The following LSAMP variants were observed in gnomAD, a reference collection of about 807,000 sequenced individuals.
LSAMP encodes limbic system associated membrane protein.
A neutral mutation model predicts 38.6 loss-of-function variants in LSAMP; 7 were observed. That is an observed-to-expected ratio of 0.18 (90% CI 0.10 to 0.34). The LOEUF is 0.34. Among genes scored for constraint, LSAMP ranks in the 10% least tolerant of loss-of-function variants. The pLI, the probability that LSAMP is intolerant of heterozygous loss-of-function variation, is 1.00. For missense variants in LSAMP, 313 were observed against 420.0 expected, an observed-to-expected ratio of 0.75 and a Z score of 2.23; for synonymous variants, 154 against 166.8, an observed-to-expected ratio of 0.92 and a Z score of 0.59.
chr3:115,843,671 T>C (rs1438685219), intron 4 of LSAMP, among the ~76,000 whole-genome samples: 1 of 148,190 alleles, frequency 6.7e-6, no homozygotes, highest in Non-Finnish European at 1.5e-5. Flanking sequence ...ACCTGGTCTA[T>C]ATTCCTTGTT....
chr3:116,232,699 CTT>C (rs1219296323), intron 1 of LSAMP, among the ~76,000 whole-genome samples: 6,276 of 99,450 alleles, frequency 0.063, 495 homozygotes, highest in African/African-American at 0.18. Flanking sequence ...TTCTTTCTTT[CTT>C]TTTTTTTTTT....
intron 3 of LSAMP, among the ~76,000 whole-genome samples, chr3:115,892,311 C>A (rs780281143): frequency 6.6e-6 from 1 of 152,086 alleles, no homozygotes; most frequent in South Asian, 2.1e-4. Context: ...ACATTCTCAG[C>A]AGCACTATTT....
chr3:116,156,311 A>G (rs1476080985), intron 1 of LSAMP, among the ~76,000 whole-genome samples: 1 of 152,192 alleles, frequency 6.6e-6, no homozygotes, highest in Non-Finnish European at 1.5e-5. Context: ...CCTAACGTTG[A>G]GTAAAATGCA....
chr3:116,320,237 A>G (rs770396989), intron 1 of LSAMP, among the ~76,000 whole-genome samples: 1 of 152,002 alleles, frequency 6.6e-6, no homozygotes, highest in South Asian at 2.1e-4. Context: ...ACATGATGAA[A>G]CCTCGTCTCT....
chr3:115,966,301 C>T (rs1308340312), intron 3 of LSAMP, among the ~76,000 whole-genome samples: 1 of 152,146 alleles, frequency 6.6e-6, no homozygotes. Flanking sequence ...GCCTTGATCT[C>T]GACACTGTGG....
At chr3:116,394,593 A>G (rs59428849) in intron 1 of LSAMP, among the ~76,000 whole-genome samples, 18,211 of 152,134 alleles carry the variant, frequency 0.12, 1,593 homozygotes, top group African/African-American at 0.25. Flanking sequence ...CAGCCCCCTC[A>G]TTATGCTCAC....
At chr3:116,035,977 T>C (rs1198574291) in intron 2 of LSAMP, among the ~76,000 whole-genome samples, 1 of 152,128 alleles carries the variant, frequency 6.6e-6, no homozygotes, top group East Asian at 1.9e-4. Context: ...AAAAGCCCCT[T>C]CTTACCTTGT....
At chr3:116,381,208 A>G (rs933270824) in intron 1 of LSAMP, among the ~76,000 whole-genome samples, 3 of 152,088 alleles carry the variant, frequency 2.0e-5, no homozygotes, top group African/African-American at 7.2e-5. Context: ...GTCTCTTCTG[A>G]CTAAAAATTC....
chr3:115,877,800 G>A (rs897000107), intron 3 of LSAMP, among the ~76,000 whole-genome samples: 2 of 152,130 alleles, frequency 1.3e-5, no homozygotes, highest in Admixed American at 1.3e-4. Context: ...GTCTGTTGGA[G>A]CATCAGAAAC....
intron 1 of LSAMP, among the ~76,000 whole-genome samples, chr3:116,093,940 C>T (rs1012264238): frequency 1.4e-4 from 21 of 152,024 alleles, no homozygotes; most frequent in Admixed American, 9.8e-4. Flanking sequence ...GGAAGTGATG[C>T]TATATATTCC....
chr3:116,388,682 A>G (rs1261943133), intron 1 of LSAMP, among the ~76,000 whole-genome samples: 1 of 152,190 alleles, frequency 6.6e-6, no homozygotes, highest in Non-Finnish European at 1.5e-5. Context: ...CTTATTCCCA[A>G]TAAACAAAGT....
At chr3:116,430,044 A>G (rs2049260511) in intron 1 of LSAMP, among the ~76,000 whole-genome samples, 1 of 152,202 alleles carries the variant, frequency 6.6e-6, no homozygotes, top group Non-Finnish European at 1.5e-5. Context: ...AGAAGACGTA[A>G]GAGATGAGGT....
At chr3:116,386,600 G>A (rs2048629349) in intron 1 of LSAMP, among the ~76,000 whole-genome samples, 1 of 152,148 alleles carries the variant, frequency 6.6e-6, no homozygotes. Flanking sequence ...AGTCTCCCAA[G>A]TAGGTAGGAA....
intron 1 of LSAMP, among the ~76,000 whole-genome samples, chr3:116,301,228 C>T (rs934249580): frequency 3.3e-5 from 5 of 151,938 alleles, no homozygotes; most frequent in African/African-American, 9.7e-5. Flanking sequence ...GTATGTCTCA[C>T]CTAAAGTATT....
At chr3:115,955,706 T>C (rs1391457646) in intron 3 of LSAMP, among the ~76,000 whole-genome samples, 1 of 152,174 alleles carries the variant, frequency 6.6e-6, no homozygotes, top group Non-Finnish European at 1.5e-5. Flanking sequence ...CCCAGGTACT[T>C]TTAATAGACA....
chr3:115,938,536 A>C (rs749745232), intron 3 of LSAMP, among the ~76,000 whole-genome samples: 1 of 152,162 alleles, frequency 6.6e-6, no homozygotes, highest in Non-Finnish European at 1.5e-5. Flanking sequence ...ACCTTATAAC[A>C]TGGAAGTACA....
chr3:116,409,829 G>A (rs147747556), intron 1 of LSAMP, among the ~76,000 whole-genome samples: 7 of 152,180 alleles, frequency 4.6e-5, no homozygotes, highest in Non-Finnish European at 8.8e-5. Flanking sequence ...ATACTTTGGA[G>A]GAGCTGAATT....
chr3:115,940,566 AT>A (rs1388367770), intron 3 of LSAMP, among the ~76,000 whole-genome samples: 1 of 152,140 alleles, frequency 6.6e-6, no homozygotes, highest in Non-Finnish European at 1.5e-5. Context: ...ATCTTTAATT[AT>A]TTTGAGTTGA....
intron 1 of LSAMP, among the ~76,000 whole-genome samples, chr3:116,337,014 C>T (rs2047928596): frequency 6.6e-6 from 1 of 151,364 alleles, no homozygotes; most frequent in Non-Finnish European, 1.5e-5. Flanking sequence ...TAAATTCTGA[C>T]ATGTTACAAC....
Sources: allele counts gnomAD v4.1 joint callset (sites outside exome capture counted in the v4.1 genomes callset), GRCh38; gene constraint gnomAD v4.1.1; transcripts MANE v1.5; gene names NCBI Gene and HGNC (gene_info 2026-07-23, HGNC 2026-07-21).